EHMT1: variants seen among roughly 807,000 people sequenced by gnomAD.
EHMT1 encodes histone-lysine N-methyltransferase EHMT1.
In EHMT1, 15 loss-of-function variants were observed where a neutral mutation model predicts 147.2. That is an observed-to-expected ratio of 0.10 (90% confidence interval 0.07 to 0.16). The LOEUF is 0.16. Among genes scored for constraint, EHMT1 ranks in the 10% least tolerant of loss-of-function variants. The pLI is 1.00. For synonymous variants in EHMT1, 795 were observed against 709.6 expected (o/e 1.12, Z -1.91); for missense variants, 1,587 against 1,772.4 (o/e 0.90, Z 1.88).
Position 137,786,932 on chromosome 9 carries a change from G to A in EHMT1, c.2383-3916G>A, listed in dbSNP as rs1952024317. ...CGAGGATCGGTCACGGAGCCTCCTG[G>A]GTGTCCGAGCTGCCTCAAGCGCCCC... On this transcript the variant is annotated intron_variant, in intron 15 of 26. Coordinates refer to ENST00000460843, the MANE Select transcript of EHMT1 (RefSeq NM_024757.5). The surrounding 1 kb of genome is among the most constrained non-coding windows in gnomAD (Gnocchi z 4.3). 1 of 152,362 alleles carries A rather than the reference G, an allele frequency of 6.6e-6. No individual in the cohort carries two copies. The highest frequency in any genetic ancestry group is 1.5e-5 in the Non-Finnish European group (1 of 68,184). The allele number at this position is 152,362 out of a possible 1,614,324, so 9.4% of individuals were successfully genotyped here.
At chr9:137,737,441 A>C (rs987621137) in intron 4 of EHMT1, among the ~76,000 whole-genome samples, 1 of 152,198 alleles carries the variant, frequency 6.6e-6, no homozygotes, top group East Asian at 1.9e-4. Context: ...GGTGCGGGGA[A>C]GACTGGATAT....
intron 18 of EHMT1, among the ~76,000 whole-genome samples, chr9:137,806,216 C>T (rs538100745): frequency 6.6e-6 from 1 of 152,232 alleles, no homozygotes; most frequent in Non-Finnish European, 1.5e-5. Flanking sequence ...CCGCTTTGGC[C>T]TCCCACAGTG....
At chr9:137,676,418 T>TGCA (rs1941324015) in intron 1 of EHMT1, 1 of 152,684 alleles carries the variant, frequency 6.5e-6, no homozygotes, top group African/African-American at 2.4e-5. Context: ...CAGGCTGGAG[T>TGCA]GCAGTGGCGC....
rs552979335 is a variant in EHMT1 at position 137,835,303 on chromosome 9, C to T, written c.*350C>T. The T allele has an allele frequency of 9.9e-6, 2 of 203,018 alleles. No individual in the cohort carries two copies. The highest frequency in any genetic ancestry group is 1.2e-4 in the Admixed American group (2 of 16,312). The allele number at this position is 203,018 out of a possible 1,614,324, so 12.6% of individuals were successfully genotyped here. On this transcript the variant is annotated 3_prime_UTR_variant, in exon 27 of 27. Transcript: ENST00000460843. Reference sequence around the variant, plus strand: ...TTCTTCCTCTGACCTCCGAGGTCCCCGCTGCACCACGGGGTTGCTCTGTTC... The same window carrying T: ...TTCTTCCTCTGACCTCCGAGGTCCCTGCTGCACCACGGGGTTGCTCTGTTC...
intron 1 of EHMT1, among the ~76,000 whole-genome samples, chr9:137,701,708 A>G (rs12340200): frequency 0.034 from 5,010 of 145,518 alleles, 292 homozygotes; most frequent in African/African-American, 0.12. Flanking sequence ...GCTCACTGCA[A>G]CCTCCACCTC....
In EHMT1 at chr9:137,694,311, C is replaced by T. The variant is rs541726751; in HGVS notation, c.22-16656C>T. Among the ~76,000 whole-genome samples, 22 of 143,724 alleles carry T rather than the reference C, an allele frequency of 1.5e-4. 1 individual carries two copies. The South Asian group carries it at 2.3e-3, about 15-fold the overall frequency. The allele number at this position is 143,724 out of a possible 152,430, so 94.3% of individuals were successfully genotyped here. On this transcript the variant is annotated intron_variant, in intron 1 of 26. Transcript: ENST00000460843. ...CCACACAGTGGCGCAGGACGCTAACCGATACCCCCCACACAGTGGCGCAGG... is the reference window on the plus strand; with the variant it reads ...CCACACAGTGGCGCAGGACGCTAACTGATACCCCCCACACAGTGGCGCAGG...
At chr9:137,693,646 A>C (rs1422985002) in intron 1 of EHMT1, among the ~76,000 whole-genome samples, 3 of 62,778 alleles carry the variant, frequency 4.8e-5, no homozygotes, top group African/African-American at 2.0e-4. Context: ...GATACCCCCC[A>C]CACAGTGGCG....
chr9:137,624,688 C>T (rs1843145120), intron 1 of EHMT1, among the ~76,000 whole-genome samples: 1 of 152,000 alleles, frequency 6.6e-6, no homozygotes, highest in African/African-American at 2.4e-5. Flanking sequence ...TCTCGAACTC[C>T]TGACCTCAAA....
intron 1 of EHMT1, among the ~76,000 whole-genome samples, chr9:137,630,585 C>G (rs950339141): frequency 6.6e-6 from 1 of 152,186 alleles, no homozygotes; most frequent in African/African-American, 2.4e-5. Flanking sequence ...TATTTGTCAT[C>G]TGTTTTTTTC....
intron 1 of EHMT1, among the ~76,000 whole-genome samples, chr9:137,707,924 G>T (rs1588274225): frequency 6.6e-6 from 1 of 152,210 alleles, no homozygotes; most frequent in East Asian, 1.9e-4. Context: ...GCCGTGGCAG[G>T]CAGGGTGTCT....
chr9:137,667,128 C>T (rs772168310), intron 1 of EHMT1: 7 of 152,238 alleles, frequency 4.6e-5, no homozygotes, highest in Non-Finnish European at 1.0e-4. Flanking sequence ...GCAGTGCCAT[C>T]GCTCACGTGT....
At chr9:137,639,263 G>A (rs930039626) in intron 1 of EHMT1, among the ~76,000 whole-genome samples, 3 of 151,866 alleles carry the variant, frequency 2.0e-5, no homozygotes, top group Non-Finnish European at 2.9e-5. Context: ...TCTGTCCTGG[G>A]GAATGTTTCA....
intron 1 of EHMT1, among the ~76,000 whole-genome samples, chr9:137,669,940 G>A (rs112562560): frequency 9.1e-4 from 139 of 152,090 alleles, no homozygotes; most frequent in Admixed American, 1.6e-3. Context: ...AACCTCTGCC[G>A]CCCGGGTTCA....
chr9:137,817,790 C>G lies in EHMT1; in HGVS notation c.3461+265C>G, dbSNP rs188986226. 2.9e-4 allele frequency: 180 copies of G among 623,120 alleles called. No individual in the cohort carries two copies. The Middle Eastern group carries it at 3.9e-3, about 13-fold the overall frequency. The allele number at this position is 623,120 out of a possible 1,614,324, so 38.6% of individuals were successfully genotyped here. On this transcript the variant is annotated intron_variant, in intron 24 of 26. Transcript: ENST00000460843. ...CGTGGTCCAGTTAGGAAGGCGTGGTCCAGCATGGGCAGTCATCTCTAGGGG... is the reference window on the plus strand; with the variant it reads ...CGTGGTCCAGTTAGGAAGGCGTGGTGCAGCATGGGCAGTCATCTCTAGGGG...
rs1956464423 is a variant in EHMT1 at position 137,834,534 on chromosome 9, GC to G, written c.3716+14del. The G allele has an allele frequency of 1.2e-6, 2 of 1,608,914 alleles. No homozygotes were observed. On this transcript the variant is annotated intron_variant, in intron 26 of 26. Transcript: ENST00000460843. ...CCGGCGAGCAGCTCGGGTACGCACC[GC>G]CCCGGCCCCTGGCCATCTCCGCTGC...
rs398124406 is a variant in EHMT1 at position 137,798,816 on chromosome 9, G to T, written c.2509G>T (p.Ala837Ser). The change falls in exon 17 of 27, where the codon GCA (alanine) becomes TCA (serine). Residue 837 changes from alanine (A) to serine (S), a missense_variant. By Grantham distance (99) the Ala-to-Ser change is moderately conservative (BLOSUM62 1). Transcript: ENST00000460843. ...CTAAGTGGCATTTCTGTTGCAGGAC[G>T]CAGAGGGCTCTACGTGTTTGCACCT... ...KAGALVDPKDAEGSTCLHLAA... is the reference protein window; with the variant it reads ...KAGALVDPKDSEGSTCLHLAA... The T allele has an allele frequency of 6.2e-7, 1 of 1,613,834 alleles. No homozygotes were observed. The highest frequency in any genetic ancestry group is 1.3e-5 in the African/African-American group (1 of 75,066).
chr9:137,725,693 C>T (rs1386907665), intron 3 of EHMT1, among the ~76,000 whole-genome samples: 1 of 152,082 alleles, frequency 6.6e-6, no homozygotes, highest in Non-Finnish European at 1.5e-5. Context: ...CACATGGCAG[C>T]AAGATGCGCT....
At chr9:137,824,322 C>T (rs1955662046) in intron 25 of EHMT1, among the ~76,000 whole-genome samples, 1 of 152,164 alleles carries the variant, frequency 6.6e-6, no homozygotes, top group Non-Finnish European at 1.5e-5. Context: ...TCTGCTTATA[C>T]CAGCTGATGG....
At chr9:137,809,905 C>T (rs535125502) in intron 18 of EHMT1, among the ~76,000 whole-genome samples, 3,836 of 114,518 alleles carry the variant, frequency 0.033, 418 homozygotes, top group African/African-American at 0.2. Flanking sequence ...GTTCCGATGC[C>T]GCCCTGTGTG....
Sources: gnomAD v4.1 joint callset for allele counts (sites outside exome capture counted in the v4.1 genomes callset) on GRCh38, gnomAD v4.1.1 for gene constraint, Gnocchi (gnomAD v3.1) non-coding constraint, MANE v1.5 for transcripts, NCBI Gene and HGNC (gene_info 2026-07-23, HGNC 2026-07-21) for gene names.